CLIC5: variants seen among roughly 807,000 people sequenced by gnomAD.
The protein encoded by CLIC5 is chloride intracellular channel protein 5.
CLIC5 carries 20 observed loss-of-function variants against 24.7 expected under a neutral mutation model. That is an observed-to-expected ratio of 0.81 (90% CI 0.57 to 1.18). The LOEUF is 1.18. CLIC5 is among the 50% of genes most tolerant of loss of function. The pLI is 0.00. For synonymous variants in CLIC5, 159 were observed against 135.6 expected, an observed-to-expected ratio of 1.17 and a Z score of -1.20; for missense variants, 341 against 326.1, an observed-to-expected ratio of 1.05 and a Z score of -0.35.
intron 1 of CLIC5, among the ~76,000 whole-genome samples, chr6:46,027,184 AG>A (rs1187981165): frequency 1.3e-5 from 2 of 152,218 alleles, no homozygotes; most frequent in Non-Finnish European, 2.9e-5. Context: ...TTATGATCAA[AG>A]CTAACAAAGG....
chr6:46,002,849 A>C (rs1766410644), intron 1 of CLIC5, among the ~76,000 whole-genome samples: 1 of 152,156 alleles, frequency 6.6e-6, no homozygotes, highest in South Asian at 2.1e-4. Context: ...TTGACCTTGG[A>C]CTATTCATTG....
At chr6:46,077,925 T>C (rs2127478168) in intron 1 of CLIC5, among the ~76,000 whole-genome samples, 1 of 152,206 alleles carries the variant, frequency 6.6e-6, no homozygotes, top group East Asian at 1.9e-4. Context: ...TAATTTCTAG[T>C]GAGATAAACA....
At chr6:45,974,326 G>A (rs1424868177) in intron 1 of CLIC5, among the ~76,000 whole-genome samples, 1 of 151,612 alleles carries the variant, frequency 6.6e-6, no homozygotes, top group African/African-American at 2.4e-5. Context: ...GTGCATATAA[G>A]GGCTCTGACC....
At chr6:46,088,102 T>C in the CLIC5 span, among the ~76,000 whole-genome samples, 1 of 147,664 alleles carries the variant, frequency 6.8e-6, no homozygotes, top group East Asian at 2.2e-4. Context: ...ATCTGGGAAG[T>C]TTGGTCTTAT....
At chr6:45,958,483 T>G (rs1329031212) in intron 1 of CLIC5, among the ~76,000 whole-genome samples, 3 of 131,816 alleles carry the variant, frequency 2.3e-5, no homozygotes, top group African/African-American at 6.0e-5. Context: ...TATAAACAGC[T>G]AATGGCAAAC....
At chr6:45,964,242 T>C (rs1764945212) in intron 1 of CLIC5, among the ~76,000 whole-genome samples, 1 of 152,170 alleles carries the variant, frequency 6.6e-6, no homozygotes, top group South Asian at 2.1e-4. Flanking sequence ...TGGTACAGTA[T>C]TAAGGGCATT....
chr6:45,942,966 A>C (rs1305065697), intron 3 of CLIC5, among the ~76,000 whole-genome samples: 2 of 152,238 alleles, frequency 1.3e-5, no homozygotes, highest in Non-Finnish European at 2.9e-5. Context: ...GCCCTACAGC[A>C]GTGTCCTTCC....
chr6:45,936,485 G>T lies in CLIC5; in HGVS notation c.406+5062C>A, dbSNP rs147921947. On this transcript the variant is annotated intron_variant, in intron 4 of 5. Transcript: ENST00000339561. ...CTCCCAAAGTGCTGGGATTACAGGG[G>T]TCAGACACCATGCCTGGCCCCAGCA... 7.3e-3 allele frequency among the ~76,000 whole-genome samples: 1,114 copies of T among 152,182 alleles called. 16 individuals carry two copies. The highest frequency in any genetic ancestry group is 0.025 in the African/African-American group (1,055 of 41,528).
At chr6:46,082,375 C>T (rs1027680770), upstream of CLIC5, among the ~76,000 whole-genome samples, 6 of 152,180 alleles carry the variant, frequency 3.9e-5, no homozygotes, top group Non-Finnish European at 8.8e-5. Flanking sequence ...TAATATGAAA[C>T]AAGTCCTTCC....
intron 1 of CLIC5, among the ~76,000 whole-genome samples, chr6:46,011,868 C>G (rs933055124): frequency 1.3e-5 from 2 of 152,210 alleles, no homozygotes; most frequent in African/African-American, 4.8e-5. Flanking sequence ...CATTTACTCT[C>G]AAAATATCCC....
chr6:45,973,107 G>A (rs1765257103), intron 1 of CLIC5, among the ~76,000 whole-genome samples: 2 of 152,196 alleles, frequency 1.3e-5, no homozygotes, highest in South Asian at 4.1e-4. Context: ...TGGCTTGTCT[G>A]TTAGAAGCCA....
At chr6:46,000,680 G>T (rs985076873) in intron 1 of CLIC5, among the ~76,000 whole-genome samples, 1 of 152,172 alleles carries the variant, frequency 6.6e-6, no homozygotes, top group African/African-American at 2.4e-5. Flanking sequence ...GCAGGAGAGA[G>T]AATGACTGCC....
chr6:46,109,855 CATGTCTGACATAATGTAAAAG>C, the CLIC5 span, among the ~76,000 whole-genome samples: 33 of 148,304 alleles, frequency 2.2e-4, no homozygotes, highest in Non-Finnish European at 4.1e-4. Flanking sequence ...GCAGGGCTTG[CATGTCTGACATAATGTAAAAG>C]AGTCTTGGAA....
intron 1 of CLIC5, among the ~76,000 whole-genome samples, chr6:46,023,724 C>A (rs898510009): frequency 6.6e-6 from 1 of 152,200 alleles, no homozygotes; most frequent in African/African-American, 2.4e-5. Flanking sequence ...TCTTCTGTTG[C>A]ATCACCGTGC....
chr6:46,079,922 C>T, exon 1 of CLIC5: 1 of 1,551,822 alleles, frequency 6.4e-7, no homozygotes, highest in Non-Finnish European at 8.7e-7. Flanking sequence ...ATAACCCTTC[C>T]ATTGAGATGC....
At chr6:45,958,422 T>TTATATATA (rs35922936) in intron 1 of CLIC5, among the ~76,000 whole-genome samples, 23 of 8,364 alleles carry the variant, frequency 2.7e-3, no homozygotes, top group Non-Finnish European at 3.6e-3. Flanking sequence ...AAAAAGACAA[T>TTATATATA]TATATATATA....
At chr6:46,053,188 A>G (rs1768151809) in intron 1 of CLIC5, among the ~76,000 whole-genome samples, 1 of 152,192 alleles carries the variant, frequency 6.6e-6, no homozygotes, top group Admixed American at 6.5e-5. Context: ...ACTGGAGGGC[A>G]GGGCCTGATA....
chr6:46,082,045 T>A (rs541679454), upstream of CLIC5, among the ~76,000 whole-genome samples: 1 of 152,338 alleles, frequency 6.6e-6, no homozygotes, highest in Non-Finnish European at 1.5e-5. Flanking sequence ...TTTTTTCTTT[T>A]TGCTTCCCAA....
At chr6:46,119,564 T>A in the CLIC5 span, among the ~76,000 whole-genome samples, 1 of 152,202 alleles carries the variant, frequency 6.6e-6, no homozygotes, top group Non-Finnish European at 1.5e-5. Context: ...TTCATCTCAC[T>A]GAGGCTTGTC....
Sources: allele counts gnomAD v4.1 joint callset (sites outside exome capture counted in the v4.1 genomes callset), GRCh38; gene constraint gnomAD v4.1.1; transcripts MANE v1.5; gene names NCBI Gene and HGNC (gene_info 2026-07-23, HGNC 2026-07-21).